The following TMEM117 variants were observed in gnomAD, a reference collection of about 807,000 sequenced individuals.
TMEM117 encodes transmembrane protein 117.
In TMEM117, 27 loss-of-function variants were observed where a neutral mutation model predicts 52.4. The ratio of observed to expected loss-of-function variants is 0.51; its 90% CI spans 0.38 to 0.71. TMEM117 has a LOEUF of 0.71. Ranked by LOEUF, TMEM117 falls within the 30% of genes least tolerant of loss-of-function variation. The pLI, the probability that TMEM117 is intolerant of heterozygous loss-of-function variation, is 0.00. For synonymous variants in TMEM117, 215 were observed against 206.3 expected (o/e 1.04, Z -0.36); for missense variants, 556 against 630.5 (o/e 0.88, Z 1.26).
chr12:43,998,702 A>T (rs546881760), intron 3 of TMEM117, among the ~76,000 whole-genome samples: 1 of 152,226 alleles, frequency 6.6e-6, no homozygotes, highest in African/African-American at 2.4e-5. Context: ...CTAATAATGA[A>T]AGAAAATATT....
chr12:44,203,307 T>A (rs1000281043), intron 4 of TMEM117, among the ~76,000 whole-genome samples: 48 of 152,176 alleles, frequency 3.2e-4, no homozygotes, highest in Non-Finnish European at 6.3e-4. Flanking sequence ...AGTGATAATG[T>A]CCCTTTTGTC....
chr12:43,832,466 A>G (rs541134215), upstream of TMEM117, among the ~76,000 whole-genome samples: 39 of 152,360 alleles, frequency 2.6e-4, no homozygotes, highest in South Asian at 2.7e-3. Context: ...AACAGATTTC[A>G]GTGACCTACT....
chr12:44,102,032 G>C (rs1947869938), intron 3 of TMEM117, among the ~76,000 whole-genome samples: 2 of 151,948 alleles, frequency 1.3e-5, no homozygotes, highest in Non-Finnish European at 2.9e-5. Flanking sequence ...GGGGGAATTT[G>C]TGGAGGATAC....
chr12:44,044,173 C>T (rs769927913), intron 3 of TMEM117, among the ~76,000 whole-genome samples: 4 of 152,190 alleles, frequency 2.6e-5, no homozygotes, highest in Non-Finnish European at 5.9e-5. Flanking sequence ...GTGAGAGCAG[C>T]ACCTGTGTCT....
At chr12:44,024,937 C>T (rs922230004) in intron 3 of TMEM117, among the ~76,000 whole-genome samples, 16 of 151,978 alleles carry the variant, frequency 1.1e-4, no homozygotes, top group African/African-American at 3.6e-4. Context: ...GCGCCTTCAT[C>T]TATTCCTAAG....
chr12:44,050,488 G>C (rs990665984), intron 3 of TMEM117, among the ~76,000 whole-genome samples: 2 of 152,194 alleles, frequency 1.3e-5, no homozygotes, highest in African/African-American at 4.8e-5. Flanking sequence ...GAATAGCAGA[G>C]ATTCTTAAGC....
intron 6 of TMEM117, among the ~76,000 whole-genome samples, chr12:44,360,032 T>C (rs1010134032): frequency 6.6e-6 from 1 of 152,144 alleles, no homozygotes; most frequent in Non-Finnish European, 1.5e-5. Context: ...TAAAAGTAGA[T>C]TTACTTGACT....
rs143806869 is a variant in TMEM117 at position 44,307,643 on chromosome 12, C to T, written c.768+7904C>T. On this transcript the variant is annotated intron_variant, in intron 6 of 7. Coordinates refer to ENST00000266534, the MANE Select transcript of TMEM117 (RefSeq NM_032256.3). ...ACTTCCCTCATTACTGCTAGTACAG[C>T]GGGGAGACAGAGTGTTCAGGGAGAA... Among the ~76,000 whole-genome samples, 21 of 152,260 alleles carry T rather than the reference C, an allele frequency of 1.4e-4. No homozygotes were observed. In the East Asian group the frequency reaches 1.9e-3, roughly 14 times the overall value.
At chr12:44,365,766 A>G (rs1292510326) in intron 6 of TMEM117, among the ~76,000 whole-genome samples, 1 of 151,802 alleles carries the variant, frequency 6.6e-6, no homozygotes, top group Non-Finnish European at 1.5e-5. Context: ...TATTATTATT[A>G]TTATTATACT....
intron 3 of TMEM117, among the ~76,000 whole-genome samples, chr12:44,051,918 A>T (rs1006688778): frequency 6.6e-6 from 1 of 152,218 alleles, no homozygotes; most frequent in South Asian, 2.1e-4. Context: ...GCAAGTCAAC[A>T]TGATGCATTA....
At chr12:44,384,696 C>T (rs1372072159) in intron 7 of TMEM117, among the ~76,000 whole-genome samples, 2 of 151,910 alleles carry the variant, frequency 1.3e-5, no homozygotes, top group Admixed American at 6.6e-5. Context: ...TGTTTTATTC[C>T]AACAGAAAAA....
chr12:43,944,362 T>A lies in TMEM117; in HGVS notation c.410+20T>A. The A allele has an allele frequency of 6.2e-7, 1 of 1,601,730 alleles. No individual in the cohort carries two copies. The highest frequency in any genetic ancestry group is 8.5e-7 in the Non-Finnish European group (1 of 1,173,874). ...CATGGGGTAGGTTTTCTTTCCCCTT[T>A]CTACTGTGGTGAGTGTTATGTTTGA... On this transcript the variant is annotated intron_variant, in intron 3 of 7. Coordinates refer to ENST00000266534, the MANE Select transcript of TMEM117 (RefSeq NM_032256.3).
At chr12:44,165,211 T>C (rs1431671024) in intron 4 of TMEM117, among the ~76,000 whole-genome samples, 1 of 152,088 alleles carries the variant, frequency 6.6e-6, no homozygotes, top group African/African-American at 2.4e-5. Context: ...AACTCACTGA[T>C]TGAGCAGACA....
intron 3 of TMEM117, among the ~76,000 whole-genome samples, chr12:43,994,626 T>C (rs1393066709): frequency 6.6e-6 from 1 of 152,088 alleles, no homozygotes; most frequent in Non-Finnish European, 1.5e-5. Flanking sequence ...TTTCATATAG[T>C]TTTTTCTTTT....
At chr12:44,140,236 ATG>A (rs2138192633) in intron 3 of TMEM117, among the ~76,000 whole-genome samples, 1 of 152,274 alleles carries the variant, frequency 6.6e-6, no homozygotes, top group Non-Finnish European at 1.5e-5. Context: ...GAAGCTATAA[ATG>A]TAGCTGGAGA....
chr12:43,933,933 G>T (rs3925073), intron 2 of TMEM117, among the ~76,000 whole-genome samples: 1 of 151,974 alleles, frequency 6.6e-6, no homozygotes, highest in East Asian at 1.9e-4. Context: ...TTATAAAAAT[G>T]GATTCAAAGA....
At chr12:44,290,346 G>T (rs771869894) in intron 5 of TMEM117, among the ~76,000 whole-genome samples, 16 of 152,024 alleles carry the variant, frequency 1.1e-4, no homozygotes, top group Admixed American at 5.2e-4. Context: ...AGAGTTTTAT[G>T]ATTTCAGGCC....
intron 3 of TMEM117, among the ~76,000 whole-genome samples, chr12:44,025,837 A>T (rs1946524228): frequency 6.6e-6 from 1 of 152,322 alleles, no homozygotes; most frequent in East Asian, 1.9e-4. Context: ...TAGATTCATT[A>T]CACAGCTACA....
chr12:44,125,198 G>A (rs963200408), intron 3 of TMEM117, among the ~76,000 whole-genome samples: 7 of 152,052 alleles, frequency 4.6e-5, no homozygotes, highest in African/African-American at 1.4e-4. Flanking sequence ...TCTGCCTGCC[G>A]GGTTCACGCC....
Sources: allele counts gnomAD v4.1 joint callset (sites outside exome capture counted in the v4.1 genomes callset), GRCh38; gene constraint gnomAD v4.1.1; transcripts MANE v1.5; gene names NCBI Gene and HGNC (gene_info 2026-07-23, HGNC 2026-07-21).